CBLL1: variants seen among roughly 807,000 people sequenced by gnomAD.
The protein encoded by CBLL1 is Cbl proto-oncogene like 1, also known as E3 ubiquitin-protein ligase Hakai.
CBLL1 carries 4 observed loss-of-function variants against 44.9 expected under a neutral mutation model. That is an observed-to-expected ratio of 0.09 (90% CI 0.04 to 0.20). The LOEUF (loss-of-function observed/expected upper bound fraction) is 0.20. CBLL1 is among the 10% of genes least tolerant of loss of function. The probability of loss-of-function intolerance (pLI) is 1.00; values close to 1 mark genes in which losing one functional copy is unlikely to be tolerated. For missense variants in CBLL1, 569 were observed against 636.7 expected (o/e 0.89, Z 1.14); for synonymous variants, 235 against 202.2 (o/e 1.16, Z -1.38).
intron 5 of CBLL1, among the ~76,000 whole-genome samples, chr7:107,756,697 G>T (rs1175592786): frequency 1.3e-5 from 2 of 152,046 alleles, no homozygotes; most frequent in South Asian, 2.1e-4. Flanking sequence ...AAATTAAAAG[G>T]TACTTATTGT....
intron 1 of CBLL1, among the ~76,000 whole-genome samples, chr7:107,747,309 G>T (rs968384653): frequency 6.6e-6 from 1 of 152,100 alleles, no homozygotes; most frequent in Non-Finnish European, 1.5e-5. Flanking sequence ...TGAAGTGTTG[G>T]TATTTTCATT....
chr7:107,746,123 G>T (rs1793003494), intron 1 of CBLL1, among the ~76,000 whole-genome samples: 1 of 152,186 alleles, frequency 6.6e-6, no homozygotes, highest in South Asian at 2.1e-4. Context: ...CTGGGATTTT[G>T]ATGTTAGAAT....
At chr7:107,750,816 T>C (rs907278584) in intron 2 of CBLL1, among the ~76,000 whole-genome samples, 10 of 152,140 alleles carry the variant, frequency 6.6e-5, no homozygotes, top group African/African-American at 2.4e-4. Flanking sequence ...TTAAGTATTA[T>C]CTATGGGGGC....
rs768351975 is a variant in CBLL1 at position 107,758,092 on chromosome 7, A to G, written c.441-51A>G. ...CAAGCATATTTTTGAAAATTACATA[A>G]TTTTTTGTATTCTCTTTTAGTAAAT... On this transcript the variant is annotated intron_variant, in intron 5 of 5. Transcript: ENST00000440859. The surrounding 1 kb of genome is among the most constrained non-coding windows in gnomAD (Gnocchi z 4.2). The G allele has an allele frequency of 4.7e-6, 7 of 1,486,080 alleles. No individual in the cohort carries two copies. Among genetic ancestry groups the G allele is most frequent in the Non-Finnish European group, 4.5e-6 (5 of 1,107,502 alleles). 92.1% of individuals were successfully genotyped at this position (1,486,080 alleles called of 1,614,324 possible).
intron 2 of CBLL1, among the ~76,000 whole-genome samples, chr7:107,750,978 G>C (rs1201996839): frequency 6.6e-6 from 1 of 150,474 alleles, no homozygotes; most frequent in Non-Finnish European, 1.5e-5. Flanking sequence ...GGTGGGGTCT[G>C]GCTTTTTTTT....
chr7:107,760,013 A>G lies in CBLL1; in HGVS notation c.*835A>G, dbSNP rs1240452860. On this transcript the variant is annotated 3_prime_UTR_variant, in exon 6 of 6. Coordinates refer to ENST00000440859, the MANE Select transcript of CBLL1 (RefSeq NM_024814.4). The stretch of plus-strand genomic sequence containing the variant: ...ATGGTCGGAATCACATATGCACCAC[A>G]CATACTGATCTTAAGTAACATTATT... 6.6e-6 allele frequency: 1 copy of G among 152,328 alleles called. No homozygotes were observed. Among genetic ancestry groups the G allele is most frequent in the Non-Finnish European group, 1.5e-5 (1 of 68,016 alleles). The allele number at this position is 152,328 out of a possible 1,614,324, so 9.4% of individuals were successfully genotyped here.
intron 1 of CBLL1, chr7:107,744,809 AATC>A (rs369945179): frequency 3.3e-5 from 5 of 152,368 alleles, no homozygotes; most frequent in Non-Finnish European, 5.9e-5. Context: ...AGGAGTTTAA[AATC>A]AAGGCATTCT....
At chr7:107,756,514 A>T (rs890696058) in intron 5 of CBLL1, among the ~76,000 whole-genome samples, 4 of 152,158 alleles carry the variant, frequency 2.6e-5, no homozygotes, top group African/African-American at 9.7e-5. Flanking sequence ...AGAAATACAT[A>T]TCACTTGTTT....
At chr7:107,749,253 C>T (rs975286133) in intron 2 of CBLL1, 18 of 388,530 alleles carry the variant, frequency 4.6e-5, no homozygotes, top group Non-Finnish European at 5.5e-5. Context: ...TTGTTGAAAG[C>T]AATACTGCCC....
chr7:107,759,241 G>A lies in CBLL1; in HGVS notation c.*63G>A. 1 of 1,409,274 alleles carries A rather than the reference G, an allele frequency of 7.1e-7. No homozygotes were observed. The highest frequency in any genetic ancestry group is 9.6e-7 in the Non-Finnish European group (1 of 1,041,802). The allele number at this position is 1,409,274 out of a possible 1,614,324, so 87.3% of individuals were successfully genotyped here. A position where few individuals can be genotyped will look rare whatever the true frequency, so the allele number is the denominator to read the frequency against. The stretch of plus-strand genomic sequence containing the variant: ...AACTTATGTGTAGTCAATCTTTTAA[G>A]CTTTGACTGTTTTGGGAAGGAAGAG... On this transcript the variant is annotated 3_prime_UTR_variant, in exon 6 of 6. Transcript: ENST00000440859.
At chr7:107,753,261 A>C in intron 2 of CBLL1, 150 bp from the exon 3 acceptor site, 2 of 548,122 alleles carry the variant, frequency 3.6e-6, no homozygotes, top group Non-Finnish European at 6.5e-6. Flanking sequence ...CTGATGTTTT[A>C]AAGTAATCTT....
chr7:107,744,997 C>G (rs975040100), intron 1 of CBLL1, among the ~76,000 whole-genome samples: 2 of 152,212 alleles, frequency 1.3e-5, no homozygotes, highest in Non-Finnish European at 1.5e-5. Flanking sequence ...ATTGAGTTGT[C>G]CTCACTCATC....
intron 1 of CBLL1, chr7:107,744,495 T>C (rs939916793): frequency 5.3e-6 from 2 of 377,092 alleles, no homozygotes; most frequent in Non-Finnish European, 9.5e-6. Context: ...GCCCAGCTGC[T>C]CTGGCCTACG....
chr7:107,757,280 A>T lies in CBLL1; in HGVS notation c.441-863A>T, dbSNP rs558433704. Reference sequence around the variant, plus strand: ...TATTCTTTTAGGTAATATGAAATAGATATAAAAACATTGTGAAGTAGGTAG... The same window carrying T: ...TATTCTTTTAGGTAATATGAAATAGTTATAAAAACATTGTGAAGTAGGTAG... On this transcript the variant is annotated intron_variant, in intron 5 of 5. Transcript: ENST00000440859. Among the ~76,000 whole-genome samples, 3 of 152,308 alleles carry T rather than the reference A, an allele frequency of 2.0e-5. No individual in the cohort carries two copies. The East Asian group carries it at 5.8e-4, about 29-fold the overall frequency.
chr7:107,753,982 A>G lies in CBLL1; in HGVS notation c.366+4A>G. The G allele has an allele frequency of 6.5e-7, 1 of 1,537,190 alleles. No homozygotes were observed. Among genetic ancestry groups the G allele is most frequent in the Non-Finnish European group, 8.9e-7 (1 of 1,122,258 alleles). Reference sequence around the variant, plus strand: ...TATTAAAATCTATGGGAGAATGGTAAGTATAATTAAATATTGTTTTTGTAA... The same window carrying G: ...TATTAAAATCTATGGGAGAATGGTAGGTATAATTAAATATTGTTTTTGTAA... On this transcript the variant is annotated splice_donor_region_variant and intron_variant, in intron 4 of 5. Transcript: ENST00000440859.
At chr7:107,747,455 G>A (rs1241234014) in intron 1 of CBLL1, among the ~76,000 whole-genome samples, 1 of 152,142 alleles carries the variant, frequency 6.6e-6, no homozygotes, top group Non-Finnish European at 1.5e-5. Context: ...TTTTGAGCAA[G>A]GAAAAAAGTC....
chr7:107,759,280 G>T lies in CBLL1; in HGVS notation c.*102G>T. On this transcript the variant is annotated 3_prime_UTR_variant, in exon 6 of 6. Transcript: ENST00000440859. The stretch of plus-strand genomic sequence containing the variant: ...GGGAAGGAAGAGTACCTCTTATCGA[G>T]GTAGTATAAAACACATAGGGTCTTG... The T allele has an allele frequency of 1.9e-6, 2 of 1,049,542 alleles. No homozygotes were observed. The highest frequency in any genetic ancestry group is 2.7e-6 in the Non-Finnish European group (2 of 727,654). The allele number at this position is 1,049,542 out of a possible 1,614,324, so 65.0% of individuals were successfully genotyped here. A position where few individuals can be genotyped will look rare whatever the true frequency, so the allele number is the denominator to read the frequency against.
intron 2 of CBLL1, 97 bp downstream of exon 2, chr7:107,749,144 A>C (rs1024906080): frequency 9.5e-7 from 1 of 1,049,750 alleles, no homozygotes; most frequent in Non-Finnish European, 1.4e-6. Flanking sequence ...TTTGTCTTAC[A>C]TATTCTATTC....
intron 2 of CBLL1, chr7:107,752,621 A>G (rs1793356671): frequency 1.6e-6 from 2 of 1,268,672 alleles, no homozygotes; most frequent in African/African-American, 1.5e-5. Context: ...ACTTTAGGTA[A>G]TTGGATTCTA....
Sources: allele counts gnomAD v4.1 joint callset (sites outside exome capture counted in the v4.1 genomes callset), GRCh38; gene constraint gnomAD v4.1.1; non-coding constraint Gnocchi (gnomAD v3.1); transcripts MANE v1.5; gene names NCBI Gene and HGNC (gene_info 2026-07-23, HGNC 2026-07-21).